UBAC2: variants seen among roughly 807,000 people sequenced by gnomAD.
The protein encoded by UBAC2 is ubiquitin-associated domain-containing protein 2.
UBAC2 carries 26 observed loss-of-function variants against 44.0 expected under a neutral mutation model. That is an observed-to-expected ratio of 0.59 (90% CI 0.43 to 0.82). The LOEUF (loss-of-function observed/expected upper bound fraction) is 0.82, where lower values mean the gene tolerates loss of function less well. Ranked by LOEUF, UBAC2 falls within the 40% of genes least tolerant of loss-of-function variation. UBAC2 has a pLI of 0.00. For missense variants in UBAC2, 329 were observed against 419.4 expected, an observed-to-expected ratio of 0.78 and a Z score of 1.88; for synonymous variants, 155 against 154.3, an observed-to-expected ratio of 1.00 and a Z score of -0.04.
intron 8 of UBAC2, among the ~76,000 whole-genome samples, chr13:99,369,188 A>T (rs1470418298): frequency 6.6e-6 from 1 of 152,256 alleles, no homozygotes; most frequent in African/African-American, 2.4e-5. Flanking sequence ...GCATCGTAAT[A>T]AAAATCCATT....
chr13:99,317,202 T>C (rs1367037515), intron 5 of UBAC2, among the ~76,000 whole-genome samples: 1 of 152,236 alleles, frequency 6.6e-6, no homozygotes, highest in African/African-American at 2.4e-5. Flanking sequence ...TCTAGCACAA[T>C]GCCAGCGATG....
At chr13:99,212,409 T>C (rs2042945815) in intron 1 of UBAC2, among the ~76,000 whole-genome samples, 1 of 152,230 alleles carries the variant, frequency 6.6e-6, no homozygotes, top group South Asian at 2.1e-4. Flanking sequence ...GCTTTCTAAG[T>C]TACATTGCCA....
rs531453179 is a variant in UBAC2, at chr13:99,289,771, G to A, written c.390-24326G>A. On this transcript the variant is annotated intron_variant, in intron 4 of 8. Coordinates refer to ENST00000403766, the MANE Select transcript of UBAC2 (RefSeq NM_001144072.2). The stretch of plus-strand genomic sequence containing the variant: ...CTAATGCAGTTGGGTGGGGCATGGG[G>A]TGGGAGTTCTCACTTACTCATTCAG... Among the ~76,000 whole-genome samples the A allele has an allele frequency of 2.6e-5, 4 of 152,180 alleles. 1 individual carries two copies. The highest frequency in any genetic ancestry group is 9.6e-5 in the African/African-American group (4 of 41,546).
At position 99,380,946 on chromosome 13, in the gene UBAC2, A is replaced by G. The variant is rs968590747; in HGVS notation, c.928-4282A>G. Among the ~76,000 whole-genome samples, 90 of 152,234 alleles carry G rather than the reference A, an allele frequency of 5.9e-4. 1 individual carries two copies. The highest frequency in any genetic ancestry group is 1.9e-4 in the Non-Finnish European group (13 of 68,038). ...GGCATGATCTGCCCCGCAGAGGATG[A>G]AGAGCGAGCCCGCTGCAAGCTGTGA... On this transcript the variant is annotated intron_variant, in intron 8 of 8. Coordinates refer to ENST00000403766, the MANE Select transcript of UBAC2 (RefSeq NM_001144072.2).
chr13:99,226,564 C>T (rs1427419491), intron 1 of UBAC2, among the ~76,000 whole-genome samples: 2 of 152,162 alleles, frequency 1.3e-5, no homozygotes, highest in Admixed American at 1.3e-4. Context: ...CATGTCCAAT[C>T]ATGTTATTCC....
intron 4 of UBAC2, among the ~76,000 whole-genome samples, chr13:99,301,841 G>A (rs1486610112): frequency 6.6e-6 from 1 of 152,156 alleles, no homozygotes; most frequent in African/African-American, 2.4e-5. Flanking sequence ...ACCATATTCG[G>A]GGATTTAGTT....
intron 6 of UBAC2, among the ~76,000 whole-genome samples, chr13:99,338,039 CTTTTTTTCTTTTT>C (rs556862832): frequency 0.076 from 6,862 of 90,790 alleles, 375 homozygotes; most frequent in East Asian, 0.11. Flanking sequence ...AACTTTTTTT[CTTTTTTTCTTTTT>C]TTTTTTTTTT....
At chr13:99,367,131 T>C (rs2045341523) in intron 7 of UBAC2, among the ~76,000 whole-genome samples, 5 of 152,208 alleles carry the variant, frequency 3.3e-5, no homozygotes, top group Non-Finnish European at 7.3e-5. Flanking sequence ...AGGAACGGCA[T>C]TGCTGTCAGT....
chr13:99,346,040 C>T (rs1437195847), intron 7 of UBAC2, among the ~76,000 whole-genome samples: 2 of 152,152 alleles, frequency 1.3e-5, no homozygotes, highest in African/African-American at 4.8e-5. Context: ...CGCACACAGC[C>T]GACATGTACT....
chr13:99,217,764 T>C (rs1463331388), intron 1 of UBAC2, among the ~76,000 whole-genome samples: 1 of 152,158 alleles, frequency 6.6e-6, no homozygotes, highest in Admixed American at 6.5e-5. Context: ...AAAATTGGCT[T>C]ATTTCAGACC....
chr13:99,385,457 T>A lies in UBAC2; in HGVS notation c.*122T>A. 1 of 768,572 alleles carries A rather than the reference T, an allele frequency of 1.3e-6. No individual in the cohort carries two copies. The highest frequency in any genetic ancestry group is 2.2e-6 in the Non-Finnish European group (1 of 458,762). 47.6% of individuals were successfully genotyped at this position (768,572 alleles called of 1,614,324 possible). On this transcript the variant is annotated 3_prime_UTR_variant, in exon 9 of 9. Transcript: ENST00000403766. ...GATGTTCTTGTGGGAAGAGGGAGGTTCCACCGCACCCCTGCCCTCAACCGC... is the reference window on the plus strand; with the variant it reads ...GATGTTCTTGTGGGAAGAGGGAGGTACCACCGCACCCCTGCCCTCAACCGC...
intron 6 of UBAC2, among the ~76,000 whole-genome samples, chr13:99,322,548 A>G (rs1240603326): frequency 6.6e-6 from 1 of 152,210 alleles, no homozygotes; most frequent in Non-Finnish European, 1.5e-5. Flanking sequence ...GAGTGAATTA[A>G]CAGGCCTATA....
chr13:99,210,508 G>C lies in UBAC2; in HGVS notation c.31+9569G>C, dbSNP rs552552716. The stretch of plus-strand genomic sequence containing the variant: ...TTTTTTTTTTTTGAGATGGAGTTTC[G>C]CTCTTGTTGCCCATGCTGGAGTGCA... On this transcript the variant is annotated intron_variant, in intron 1 of 8. Transcript: ENST00000403766. Among the ~76,000 whole-genome samples, 23 of 131,854 alleles carry C rather than the reference G, an allele frequency of 1.7e-4. No homozygotes were observed. In the South Asian group the frequency reaches 5.3e-3, roughly 30 times the overall value. The allele number at this position is 131,854 out of a possible 152,430, so 86.5% of individuals were successfully genotyped here.
In UBAC2 at chr13:99,242,476, C is replaced by T. The variant is rs1477972502; in HGVS notation, c.160-1356C>T. Among the ~76,000 whole-genome samples, 46 of 146,622 alleles carry T rather than the reference C, an allele frequency of 3.1e-4. 1 individual carries two copies. Among genetic ancestry groups the T allele is most frequent in the Non-Finnish European group, 6.5e-4 (43 of 65,844 alleles). On this transcript the variant is annotated intron_variant, in intron 2 of 8. Coordinates refer to ENST00000403766, the MANE Select transcript of UBAC2 (RefSeq NM_001144072.2). ...GGGGGGCTGACCCCCCCACCTCCCTCCCCGACGGGGCGGCTGGCCGGGCGG... is the reference window on the plus strand; with the variant it reads ...GGGGGGCTGACCCCCCCACCTCCCTTCCCGACGGGGCGGCTGGCCGGGCGG...
At chr13:99,376,889 T>A (rs919902864) in intron 8 of UBAC2, 1 of 152,138 alleles carries the variant, frequency 6.6e-6, no homozygotes, top group Non-Finnish European at 1.5e-5. Context: ...TTTAGAAAAT[T>A]TCTTTGAGAC....
At chr13:99,315,525 T>C (rs1257556036) in intron 5 of UBAC2, among the ~76,000 whole-genome samples, 1 of 152,202 alleles carries the variant, frequency 6.6e-6, no homozygotes, top group Non-Finnish European at 1.5e-5. Flanking sequence ...GAGTTCAGTG[T>C]GGCATTGTGG....
At chr13:99,223,306 G>A (rs1346698715) in intron 1 of UBAC2, among the ~76,000 whole-genome samples, 1 of 151,778 alleles carries the variant, frequency 6.6e-6, no homozygotes, top group East Asian at 1.9e-4. Context: ...ATGTCTCTGG[G>A]GTCAGTAGTG....
intron 2 of UBAC2, 85 bp from the exon 3 acceptor site, chr13:99,243,747 C>A: frequency 8.4e-7 from 1 of 1,184,626 alleles, no homozygotes; most frequent in Non-Finnish European, 1.2e-6. Context: ...TAAAAATAGG[C>A]AGTGTAAACA....
In UBAC2 at chr13:99,340,403, T is replaced by A. The variant is rs750897095; in HGVS notation, c.645T>A (p.Ser215=). 1 of 1,614,224 alleles carries A rather than the reference T, an allele frequency of 6.2e-7. No homozygotes were observed. The highest frequency in any genetic ancestry group is 8.5e-7 in the Non-Finnish European group (1 of 1,180,040). ...CIPSWMAKFF[S]WTLEPIFSSS... ...CCAGCTGGATGGCAAAATTCTTTTC[T>A]TGGACACTTGAACCCATCTTCTCTT... The change falls in exon 7 of 9, where the codon TCT becomes TCA. Residue 215 remains serine, a synonymous_variant. Transcript: ENST00000403766.
Sources: allele counts gnomAD v4.1 joint callset (sites outside exome capture counted in the v4.1 genomes callset), GRCh38; gene constraint gnomAD v4.1.1; transcripts MANE v1.5; gene names NCBI Gene and HGNC (gene_info 2026-07-23, HGNC 2026-07-21).